ZNF536: variants seen among roughly 807,000 people sequenced by gnomAD.
ZNF536 encodes zinc finger protein 536.
In ZNF536, 13 loss-of-function variants were observed where a neutral mutation model predicts 84.5. That is an observed-to-expected ratio of 0.15 (90% CI 0.10 to 0.24). The LOEUF (loss-of-function observed/expected upper bound fraction) is 0.24. Ranked by LOEUF, ZNF536 falls within the 10% of genes least tolerant of loss-of-function variation. The pLI is 1.00. For missense variants in ZNF536, 1,536 were observed against 1,747.5 expected (o/e 0.88, Z 2.16); for synonymous variants, 811 against 742.5 (o/e 1.09, Z -1.50).
intron 2 of ZNF536, among the ~76,000 whole-genome samples, chr19:30,453,200 G>C (rs908934931): frequency 6.6e-6 from 1 of 152,166 alleles, no homozygotes; most frequent in Non-Finnish European, 1.5e-5. Flanking sequence ...GAACTTAGGG[G>C]AACAGGACTT....
chr19:30,442,660 G>T (rs920748471), intron 1 of ZNF536, among the ~76,000 whole-genome samples: 6 of 152,148 alleles, frequency 3.9e-5, no homozygotes, highest in African/African-American at 1.4e-4. Context: ...CTAAGATTCC[G>T]TCAGGAGATA....
At chr19:30,471,704 C>T (rs1413657833) in intron 2 of ZNF536, among the ~76,000 whole-genome samples, 1 of 152,236 alleles carries the variant, frequency 6.6e-6, no homozygotes, top group African/African-American at 2.4e-5. Flanking sequence ...CAGGTGTCTG[C>T]AGAGGCCCTG....
At chr19:30,463,165 A>C (rs2053232716) in intron 2 of ZNF536, among the ~76,000 whole-genome samples, 1 of 152,128 alleles carries the variant, frequency 6.6e-6, no homozygotes, top group Non-Finnish European at 1.5e-5. Context: ...TGTGTGTTGC[A>C]TATCATGATG....
intron 1 of ZNF536, among the ~76,000 whole-genome samples, chr19:30,708,717 T>C (rs544190081): frequency 6.6e-6 from 1 of 152,332 alleles, no homozygotes; most frequent in Admixed American, 6.5e-5. Flanking sequence ...AAAGAGGCAG[T>C]GAACTCCAGA....
chr19:30,455,269 CT>C (rs36080680), intron 2 of ZNF536, among the ~76,000 whole-genome samples: 6 of 151,040 alleles, frequency 4.0e-5, no homozygotes, highest in African/African-American at 7.3e-5. Context: ...ACTGTGAACA[CT>C]TTTTTTTTCA....
At chr19:30,337,486 CAACAATGA>C (rs1471937986) in intron 2 of ZNF536, among the ~76,000 whole-genome samples, 63 of 152,238 alleles carry the variant, frequency 4.1e-4, no homozygotes, top group African/African-American at 1.2e-3. Flanking sequence ...CATGGGTTGG[CAACAATGA>C]CAAAGCCCAA....
intron 2 of ZNF536, among the ~76,000 whole-genome samples, chr19:30,525,799 C>T (rs1318423502): frequency 6.6e-6 from 1 of 152,100 alleles, no homozygotes; most frequent in Non-Finnish European, 1.5e-5. Context: ...CAGAGGAGAA[C>T]AGAAAGTTGG....
intron 1 of ZNF536, among the ~76,000 whole-genome samples, chr19:30,604,493 C>A (rs970833334): frequency 6.6e-6 from 1 of 152,028 alleles, no homozygotes; most frequent in Non-Finnish European, 1.5e-5. Context: ...CACAGTGTAG[C>A]CTTAACAAGA....
rs775852776 is a variant in ZNF536 at position 30,445,531 on chromosome 19, C to T, written c.1969C>T (p.Arg657Cys). ...GCACTCCCGTGTCCACAAGCGGGAC[C>T]GCAAGGGCGAGGAGGATGGGCTGCA... is the stretch of plus-strand genomic sequence containing the variant. ...VVHSRVHKRDRKGEEDGLHVG... is the reference protein window; with the variant it reads ...VVHSRVHKRDCKGEEDGLHVG... Residue 657 changes from arginine (R) to cysteine (C), a missense_variant, in exon 2 of 5, where the codon CGC (arginine) becomes TGC (cysteine). Physicochemically the swap from Arg to Cys is radical, Grantham distance 180. Transcript: ENST00000355537. This position sits in a 1 kb window ranked among gnomAD's most constrained non-coding sequence, Gnocchi z 4.5. 7 of 1,613,712 alleles carry T rather than the reference C, an allele frequency of 4.3e-6. No homozygotes were observed. The highest frequency in any genetic ancestry group is 1.6e-4 in the Middle Eastern group (1 of 6,062).
chr19:30,546,405 G>A (rs1037311552), intron 3 of ZNF536, among the ~76,000 whole-genome samples: 1 of 152,190 alleles, frequency 6.6e-6, no homozygotes, highest in Non-Finnish European at 1.5e-5. Flanking sequence ...CTCTGAAAAA[G>A]TGTCCAGGAG....
intron 1 of ZNF536, among the ~76,000 whole-genome samples, chr19:30,280,679 G>A (rs1328744465): frequency 6.6e-6 from 1 of 152,250 alleles, no homozygotes; most frequent in Non-Finnish European, 1.5e-5. Flanking sequence ...CCATGGTGAT[G>A]CTGGGGGTAC....
chr19:30,390,664 C>A (rs1730912745), intron 1 of ZNF536, among the ~76,000 whole-genome samples: 1 of 152,302 alleles, frequency 6.6e-6, no homozygotes, highest in African/African-American at 2.4e-5. Context: ...CCTGGAGTGT[C>A]CTCTGTAGCC....
At chr19:30,429,366 T>G (rs2051349961) in intron 1 of ZNF536, among the ~76,000 whole-genome samples, 1 of 152,124 alleles carries the variant, frequency 6.6e-6, no homozygotes, top group African/African-American at 2.4e-5. Flanking sequence ...GTCTTCTTCC[T>G]GACACTATGC....
intron 1 of ZNF536, among the ~76,000 whole-genome samples, chr19:30,627,220 C>T (rs901096451): frequency 5.3e-5 from 8 of 152,046 alleles, no homozygotes; most frequent in African/African-American, 1.9e-4. Context: ...CATCCCAACA[C>T]TTTGGTAGGC....
chr19:30,523,671 T>G (rs890361946), intron 2 of ZNF536, among the ~76,000 whole-genome samples: 1 of 152,056 alleles, frequency 6.6e-6, no homozygotes, highest in Non-Finnish European at 1.5e-5. Context: ...TTTGTGGAAC[T>G]CTTTTCATAC....
At chr19:30,540,935 C>T (rs1387433276) in intron 3 of ZNF536, among the ~76,000 whole-genome samples, 1 of 152,242 alleles carries the variant, frequency 6.6e-6, no homozygotes, top group South Asian at 2.1e-4. Context: ...TTCCTTGGCC[C>T]CACGTGCTTG....
At chr19:30,628,040 A>T (rs1053596760) in intron 1 of ZNF536, among the ~76,000 whole-genome samples, 64 of 152,332 alleles carry the variant, frequency 4.2e-4, no homozygotes, top group African/African-American at 1.5e-3. Context: ...TGTGGCTGTC[A>T]TGTCACACAG....
At chr19:30,536,136 A>C (rs1368170908) in intron 3 of ZNF536, among the ~76,000 whole-genome samples, 2 of 152,138 alleles carry the variant, frequency 1.3e-5, no homozygotes, top group Non-Finnish European at 2.9e-5. Context: ...CCACTCTCCC[A>C]AAAGGCCTCA....
chr19:30,316,372 A>G (rs951849610), intron 2 of ZNF536, among the ~76,000 whole-genome samples: 5 of 152,220 alleles, frequency 3.3e-5, no homozygotes, highest in Non-Finnish European at 7.3e-5. Context: ...TCAGAGTACA[A>G]CTAGCTATCT....
Sources: allele counts gnomAD v4.1 joint callset (sites outside exome capture counted in the v4.1 genomes callset), GRCh38; gene constraint gnomAD v4.1.1; non-coding constraint Gnocchi (gnomAD v3.1); transcripts MANE v1.5; gene names NCBI Gene and HGNC (gene_info 2026-07-23, HGNC 2026-07-21).